The following LRP1B variants were observed in gnomAD, a reference collection of about 807,000 sequenced individuals.
The protein encoded by LRP1B is low-density lipoprotein receptor-related protein 1B.
A neutral mutation model predicts 556.6 loss-of-function variants in LRP1B; 217 were observed. That is an observed-to-expected ratio of 0.39 (90% confidence interval 0.35 to 0.44). The LOEUF is 0.44. LRP1B is among the 20% of genes least tolerant of loss of function. LRP1B has a pLI of 1.00. For synonymous variants in LRP1B, 2,047 were observed against 1,865.8 expected (o/e 1.10, Z -2.50); for missense variants, 5,053 against 5,620.8 (o/e 0.90, Z 3.23).
intron 12 of LRP1B, among the ~76,000 whole-genome samples, chr2:141,018,729 A>G (rs778199398): frequency 1.3e-5 from 2 of 152,152 alleles, no homozygotes; most frequent in Non-Finnish European, 2.9e-5. Context: ...ACAGTGTGGA[A>G]CAAATACTCT....
chr2:141,992,644 T>C (rs1292729993), intron 1 of LRP1B, among the ~76,000 whole-genome samples: 3 of 152,152 alleles, frequency 2.0e-5, no homozygotes, highest in Non-Finnish European at 2.9e-5. Flanking sequence ...ACCTTTCTCA[T>C]TGAAAACCTG....
intron 26 of LRP1B, 121 bp from the exon 27 acceptor site, chr2:140,867,955 A>T: frequency 7.7e-7 from 1 of 1,299,746 alleles, no homozygotes; most frequent in Non-Finnish European, 1.0e-6. Context: ...ATGGGTCTGT[A>T]TCTGATTTGG....
At chr2:140,239,585 T>C (rs1307043799) in intron 87 of LRP1B, 53 bp from the exon 88 acceptor site, 16 of 1,171,228 alleles carry the variant, frequency 1.4e-5, no homozygotes, top group Non-Finnish European at 1.9e-5. Flanking sequence ...GAAGTAAAAA[T>C]TGATAAAACT....
intron 41 of LRP1B, among the ~76,000 whole-genome samples, chr2:140,660,679 GTCTT>G (rs1685059919): frequency 6.6e-6 from 1 of 151,954 alleles, no homozygotes; most frequent in Non-Finnish European, 1.5e-5. Flanking sequence ...TGAAACTCAC[GTCTT>G]TCTTTTCTTT....
intron 66 of LRP1B, among the ~76,000 whole-genome samples, chr2:140,405,689 G>A (rs55873978): frequency 0.087 from 13,238 of 152,076 alleles, 661 homozygotes; most frequent in Middle Eastern, 0.14. Context: ...AACAAGCTGT[G>A]AGATTAAGTC....
chr2:140,295,839 T>G (rs963822392), intron 84 of LRP1B, among the ~76,000 whole-genome samples: 2 of 152,196 alleles, frequency 1.3e-5, no homozygotes, highest in Admixed American at 1.3e-4. Flanking sequence ...GAACTATGAC[T>G]GACCTTTTGA....
intron 1 of LRP1B, among the ~76,000 whole-genome samples, chr2:141,839,105 A>T (rs1444392189): frequency 6.6e-6 from 1 of 152,176 alleles, no homozygotes; most frequent in Non-Finnish European, 1.5e-5. Context: ...AATCTTAAAG[A>T]GTGCTTCATG....
intron 2 of LRP1B, among the ~76,000 whole-genome samples, chr2:141,543,216 ATAT>A (rs1685329726): frequency 6.6e-6 from 1 of 152,018 alleles, no homozygotes; most frequent in South Asian, 2.1e-4. Flanking sequence ...GAACATTTAA[ATAT>A]TATACAAGGC....
At chr2:140,701,572 C>T (rs1686642552) in intron 40 of LRP1B, 149 bp downstream of exon 40, 1 of 745,940 alleles carries the variant, frequency 1.3e-6, no homozygotes, top group African/African-American at 1.8e-5. Context: ...TATTAGGCTA[C>T]TATATGATAC....
intron 11 of LRP1B, among the ~76,000 whole-genome samples, chr2:141,043,706 G>A (rs1698775993): frequency 6.6e-6 from 1 of 151,894 alleles, no homozygotes; most frequent in East Asian, 1.9e-4. Flanking sequence ...TTAAAAACAA[G>A]TACTGCACTA....
At chr2:142,020,581 TTC>T (rs1703297538) in intron 1 of LRP1B, among the ~76,000 whole-genome samples, 1 of 152,182 alleles carries the variant, frequency 6.6e-6, no homozygotes, top group Non-Finnish European at 1.5e-5. Context: ...TCATCATGTT[TTC>T]TGTTTTGTGT....
chr2:141,253,903 T>G (rs1028318230), intron 4 of LRP1B, among the ~76,000 whole-genome samples: 3 of 151,990 alleles, frequency 2.0e-5, no homozygotes, highest in Non-Finnish European at 4.4e-5. Context: ...TGCATTTAAC[T>G]TTGTGGATAT....
intron 31 of LRP1B, among the ~76,000 whole-genome samples, chr2:140,824,821 T>C (rs1691449054): frequency 6.6e-6 from 1 of 152,142 alleles, no homozygotes; most frequent in Non-Finnish European, 1.5e-5. Context: ...ATTAATCTTA[T>C]TCAACTGAGA....
At chr2:141,807,494 A>C (rs1291260043) in intron 2 of LRP1B, among the ~76,000 whole-genome samples, 1 of 152,120 alleles carries the variant, frequency 6.6e-6, no homozygotes, top group Non-Finnish European at 1.5e-5. Context: ...AGGATAAAAT[A>C]TGAATGGCCA....
At chr2:140,258,540 T>C (rs1424686570) in intron 86 of LRP1B, among the ~76,000 whole-genome samples, 4 of 152,168 alleles carry the variant, frequency 2.6e-5, no homozygotes, top group Non-Finnish European at 5.9e-5. Context: ...TTTTTTATTG[T>C]TGGACCCCTA....
chr2:141,123,015 C>T (rs3954978), intron 7 of LRP1B, among the ~76,000 whole-genome samples: 147,338 of 152,014 alleles, frequency 0.97, 71,600 homozygotes, highest in East Asian at 1. Context: ...AACCAAACAC[C>T]GCATGTTCTC....
At chr2:140,340,970 C>A (rs1681361890) in intron 77 of LRP1B, among the ~76,000 whole-genome samples, 1 of 151,538 alleles carries the variant, frequency 6.6e-6, no homozygotes, top group South Asian at 2.1e-4. Context: ...AATTATGTAT[C>A]TATCAGAAAG....
chr2:142,116,711 A>G (rs766576931), intron 1 of LRP1B, among the ~76,000 whole-genome samples: 15 of 152,282 alleles, frequency 9.9e-5, no homozygotes, highest in Admixed American at 2.0e-4. Flanking sequence ...AGACTTACAA[A>G]TTTTCTGTAA....
At chr2:140,730,661 G>C (rs1687746597) in intron 35 of LRP1B, among the ~76,000 whole-genome samples, 1 of 152,104 alleles carries the variant, frequency 6.6e-6, no homozygotes, top group Admixed American at 6.6e-5. Flanking sequence ...CCAGGTTCAA[G>C]TGATTCTCCT....
Sources: allele counts gnomAD v4.1 joint callset (sites outside exome capture counted in the v4.1 genomes callset), GRCh38; gene constraint gnomAD v4.1.1; transcripts MANE v1.5; gene names NCBI Gene and HGNC (gene_info 2026-07-23, HGNC 2026-07-21).